Variants in PTH2R observed in about 807,000 individuals in gnomAD.
PTH2R encodes the protein PTH2 receptor.
Under a neutral mutation model 60.3 loss-of-function variants are expected in PTH2R, and 59 were observed. That is an observed-to-expected ratio of 0.98 (90% CI 0.79 to 1.22). The LOEUF (loss-of-function observed/expected upper bound fraction) is 1.22. Ranked by LOEUF, PTH2R falls within the 50% of genes most tolerant of loss-of-function variation. The probability of loss-of-function intolerance (pLI) is 0.00; values close to 1 mark genes in which losing one functional copy is unlikely to be tolerated. For synonymous variants in PTH2R, 256 were observed against 243.8 expected (o/e 1.05, Z -0.47); for missense variants, 749 against 682.6 (o/e 1.10, Z -1.08).
intron 6 of PTH2R, 140 bp from the exon 7 acceptor site, chr2:208,444,594 C>T (rs773349876): frequency 3.3e-6 from 2 of 597,920 alleles, no homozygotes; most frequent in Admixed American, 6.4e-5. Context: ...TTTGGCCTCT[C>T]AACAGTTTTG....
At chr2:208,361,481 C>A (rs1294346809) in intron 1 of PTH2R, 1 of 152,166 alleles carries the variant, frequency 6.6e-6, no homozygotes, top group African/African-American at 2.4e-5. Context: ...TGCAATTTTA[C>A]CATCTTAACC....
chr2:208,481,252 T>C, intron 10 of PTH2R, 88 bp downstream of exon 10: 2 of 857,742 alleles, frequency 2.3e-6, no homozygotes, highest in Non-Finnish European at 3.6e-6. Flanking sequence ...AGGGTCTCGC[T>C]CTGTTGCCCA....
chr2:208,442,728 C>T (rs1015571543), intron 5 of PTH2R, among the ~76,000 whole-genome samples: 4 of 152,120 alleles, frequency 2.6e-5, no homozygotes, highest in South Asian at 2.1e-4. Flanking sequence ...AAGACAGCAT[C>T]GAATTGAATG....
chr2:208,362,066 C>T (rs1365941345), intron 1 of PTH2R, among the ~76,000 whole-genome samples: 1 of 152,218 alleles, frequency 6.6e-6, no homozygotes, highest in East Asian at 1.9e-4. Context: ...CTCCCCACCA[C>T]CCCTGTGCCC....
intron 9 of PTH2R, among the ~76,000 whole-genome samples, chr2:208,476,810 G>A (rs1160496803): frequency 6.6e-6 from 1 of 152,052 alleles, no homozygotes; most frequent in Non-Finnish European, 1.5e-5. Context: ...GGTGGATGAT[G>A]TGACCCTAGC....
chr2:208,427,434 A>G (rs984061766), intron 1 of PTH2R, among the ~76,000 whole-genome samples: 1 of 152,196 alleles, frequency 6.6e-6, no homozygotes, highest in Non-Finnish European at 1.5e-5. Flanking sequence ...ATATTGATAG[A>G]TAAATTCTGG....
intron 1 of PTH2R, among the ~76,000 whole-genome samples, chr2:208,365,066 TG>T (rs1700551164): frequency 6.6e-6 from 1 of 151,818 alleles, no homozygotes; most frequent in African/African-American, 2.4e-5. Context: ...TTTTTTTTTT[TG>T]GTGGAATCTT....
intron 4 of PTH2R, 82 bp from the exon 5 acceptor site, chr2:208,442,282 T>C (rs1239244735): frequency 4.9e-6 from 5 of 1,017,888 alleles, no homozygotes; most frequent in Non-Finnish European, 7.6e-6. Flanking sequence ...AGAAATAAGA[T>C]TCCAAAAATG....
Position 208,493,803 on chromosome 2 carries a change from G to A in PTH2R, c.*144G>A. 1 of 890,404 alleles carries A rather than the reference G, an allele frequency of 1.1e-6. No individual in the cohort carries two copies. Among genetic ancestry groups the A allele is most frequent in the Admixed American group, 3.3e-5 (1 of 30,094 alleles). The allele number at this position is 890,404 out of a possible 1,614,324, so 55.2% of individuals were successfully genotyped here. ...TAATAGTTTTTAGGCTCCATGAATT[G>A]GCTCCTGTAAATACTAACGACATGA... On this transcript the variant is annotated 3_prime_UTR_variant, in exon 13 of 13. Transcript: ENST00000272847.
intron 9 of PTH2R, among the ~76,000 whole-genome samples, chr2:208,460,651 A>G (rs1175346244): frequency 6.6e-6 from 1 of 152,174 alleles, no homozygotes; most frequent in Non-Finnish European, 1.5e-5. Context: ...ACTTCTTTGT[A>G]TCTAATAAAA....
chr2:208,403,425 G>A (rs1175863889), upstream of PTH2R, among the ~76,000 whole-genome samples: 1 of 152,150 alleles, frequency 6.6e-6, no homozygotes, highest in African/African-American at 2.4e-5. Flanking sequence ...TTTAATTTTA[G>A]AAAGACAAAA....
upstream of PTH2R, among the ~76,000 whole-genome samples, chr2:208,405,345 A>T (rs190352311): frequency 1.3e-5 from 2 of 152,362 alleles, no homozygotes; most frequent in African/African-American, 4.8e-5. Flanking sequence ...GGAAGAAATT[A>T]TAAAAGAAAA....
chr2:208,483,541 A>G (rs989200674), intron 10 of PTH2R, among the ~76,000 whole-genome samples: 2 of 152,194 alleles, frequency 1.3e-5, no homozygotes, highest in Admixed American at 6.5e-5. Context: ...TTAAAAATGG[A>G]TAGAATAGAC....
At chr2:208,416,596 A>G (rs963306894) in intron 1 of PTH2R, among the ~76,000 whole-genome samples, 4 of 152,186 alleles carry the variant, frequency 2.6e-5, no homozygotes, top group African/African-American at 9.6e-5. Context: ...GATGGTTAAT[A>G]CTGAGGGTCA....
chr2:208,420,973 T>C (rs1701743343), intron 1 of PTH2R, among the ~76,000 whole-genome samples: 1 of 152,216 alleles, frequency 6.6e-6, no homozygotes, highest in South Asian at 2.1e-4. Flanking sequence ...TACTAATTGG[T>C]TTTTTGTCTC....
intron 1 of PTH2R, among the ~76,000 whole-genome samples, chr2:208,421,544 C>A (rs774442010): frequency 9.2e-5 from 14 of 151,958 alleles, no homozygotes; most frequent in Middle Eastern, 3.2e-3. Flanking sequence ...TAATATTTTT[C>A]TCAAAACTAT....
At chr2:208,434,704 A>G (rs956310704) in intron 2 of PTH2R, among the ~76,000 whole-genome samples, 1 of 152,216 alleles carries the variant, frequency 6.6e-6, no homozygotes, top group Non-Finnish European at 1.5e-5. Flanking sequence ...CTGGGCACAT[A>G]TCGACTGGAC....
intron 1 of PTH2R, among the ~76,000 whole-genome samples, chr2:208,364,135 C>T (rs1416397060): frequency 1.3e-5 from 2 of 152,148 alleles, no homozygotes; most frequent in Admixed American, 6.6e-5. Context: ...AACATCTTAT[C>T]AAATATGATT....
chr2:208,394,966 G>C (rs1299518420), intron 1 of PTH2R, among the ~76,000 whole-genome samples: 1 of 152,112 alleles, frequency 6.6e-6, no homozygotes, highest in African/African-American at 2.4e-5. Context: ...CTAAAATCTG[G>C]CTGCGGAAGA....
Sources: allele counts gnomAD v4.1 joint callset (sites outside exome capture counted in the v4.1 genomes callset), GRCh38; gene constraint gnomAD v4.1.1; transcripts MANE v1.5; gene names NCBI Gene and HGNC (gene_info 2026-07-23, HGNC 2026-07-21).